MACF1: variants seen among roughly 807,000 people sequenced by gnomAD.
The protein encoded by MACF1 is microtubule actin crosslinking factor 1.
In MACF1, 193 loss-of-function variants were observed where a neutral mutation model predicts 854.8. The ratio of observed to expected loss-of-function variants is 0.23; its 90% CI spans 0.20 to 0.25. The LOEUF (loss-of-function observed/expected upper bound fraction) is 0.25, where lower values mean the gene tolerates loss of function less well. Ranked by LOEUF, MACF1 falls within the 10% of genes least tolerant of loss-of-function variation. The pLI, the probability that MACF1 is intolerant of heterozygous loss-of-function variation, is 1.00. For missense variants in MACF1, 7,722 were observed against 8,929.1 expected, an observed-to-expected ratio of 0.86 and a Z score of 5.45; for synonymous variants, 3,185 against 3,226.7, an observed-to-expected ratio of 0.99 and a Z score of 0.44.
Position 39,084,361 on chromosome 1 carries a change from C to T in MACF1, c.143C>T (p.Pro48Leu). ...GGGGACACCTTGCCCTGGAACCTGC[C>T]ACTGCATGAGCAGAAAAAGCGGAAA... is the stretch of plus-strand genomic sequence containing the variant. Residue 48 changes from proline to leucine, a missense_variant, in exon 2 of 94, where the codon CCA (proline) becomes CTA (leucine). Coordinates refer to the MACF1 transcript ENST00000361689. The surrounding 1 kb of genome is among the most constrained non-coding windows in gnomAD (Gnocchi z 5.2). The T allele has an allele frequency of 6.2e-7, 1 of 1,613,926 alleles. No individual in the cohort carries two copies. Among genetic ancestry groups the T allele is most frequent in the Non-Finnish European group, 8.5e-7 (1 of 1,180,030 alleles).
At chr1:39,461,847 C>T (rs1281814294) in intron 92 of MACF1, 36 bp from the exon 93 acceptor site, 7 of 1,518,542 alleles carry the variant, frequency 4.6e-6, no homozygotes, top group East Asian at 2.3e-5. Flanking sequence ...ACAAGTACCC[C>T]TCTTAATGTT....
intron 57 of MACF1, among the ~76,000 whole-genome samples, chr1:39,386,175 A>G (rs1032373765): frequency 6.6e-6 from 1 of 152,110 alleles, no homozygotes; most frequent in Non-Finnish European, 1.5e-5. Flanking sequence ...AATTTCAGTC[A>G]GCAAGTAGAG....
chr1:39,256,653 G>A (rs920431916), intron 5 of MACF1, among the ~76,000 whole-genome samples: 10 of 152,158 alleles, frequency 6.6e-5, no homozygotes, highest in African/African-American at 1.7e-4. Context: ...AAAGTTCCAC[G>A]TCCCAGGAAA....
At chr1:39,407,468 A>AAAT (rs1642756910) in intron 58 of MACF1, among the ~76,000 whole-genome samples, 1 of 152,218 alleles carries the variant, frequency 6.6e-6, no homozygotes, top group Non-Finnish European at 1.5e-5. Context: ...AAAAATATTA[A>AAAT]AACTAGAAAG....
chr1:39,290,924 C>CCAAA (rs1645768530), intron 15 of MACF1, among the ~76,000 whole-genome samples: 1 of 151,658 alleles, frequency 6.6e-6, no homozygotes, highest in African/African-American at 2.4e-5. Flanking sequence ...ATCCGCCCAC[C>CCAAA]TTGGCCTCCC....
rs1380730850 is a variant in MACF1 at position 39,357,678 on chromosome 1, C to T, written c.11728C>T (p.Pro3910Ser). ...GAACATGCATAAGGGAGGCAGCAGC[C>T]CCGAGACCCTTCCCTCCCTGCTAAA... ...LENMHKGGSS[P>S]ETLPSLLKRQ... The change falls in exon 45 of 101, where the codon CCC (proline) becomes TCC (serine). Residue 3910 changes from proline (P) to serine (S), a missense_variant. Transcript: ENST00000564288. The T allele has an allele frequency of 6.2e-7, 1 of 1,613,918 alleles. No homozygotes were observed. The highest frequency in any genetic ancestry group is 2.2e-5 in the East Asian group (1 of 44,884).
chr1:39,323,263 G>T (rs557579623), intron 33 of MACF1, among the ~76,000 whole-genome samples: 33 of 152,128 alleles, frequency 2.2e-4, no homozygotes, highest in Non-Finnish European at 3.7e-4. Context: ...GATCACTTGG[G>T]CCTGGGAAGT....
rs781662037 is a variant in MACF1, at chr1:39,429,966, G to C, written c.17028G>C (p.Glu5676Asp). The C allele has an allele frequency of 2.5e-6, 4 of 1,613,866 alleles. No homozygotes were observed. The highest frequency in any genetic ancestry group is 3.4e-6 in the Non-Finnish European group (4 of 1,179,952). ...QLATKFQSTY[E>D]ELTGWLREVE... ...CCACCAAGTTCCAGTCTACTTATGA[G>C]GAACTGACCGGGTGGCTGAGGGAGG... Residue 5676 changes from glutamate (E) to aspartate (D), a missense_variant, in exon 65 of 101, where the codon GAG (glutamate) becomes GAC (aspartate). Physicochemically the swap from Glu to Asp is conservative, Grantham distance 45. Around this residue, in one of 15 missense-constraint regions of MACF1, gnomAD observed 2,807 missense variants for 3,235.8 expected, o/e 0.87. Transcript: ENST00000564288.
chr1:39,286,591 G>C (rs545056657), intron 14 of MACF1, among the ~76,000 whole-genome samples: 1 of 150,458 alleles, frequency 6.6e-6, no homozygotes, highest in African/African-American at 2.4e-5. Flanking sequence ...CTCAGCCTCC[G>C]GAGTAGCTGG....
chr1:39,397,964 A>G (rs530108895), intron 58 of MACF1, among the ~76,000 whole-genome samples: 33 of 152,256 alleles, frequency 2.2e-4, no homozygotes, highest in South Asian at 6.2e-4. Context: ...TTAAAATCCT[A>G]TTTTGCAGAT....
chr1:39,101,215 G>A (rs1468146912), intron 2 of MACF1, among the ~76,000 whole-genome samples: 1 of 151,568 alleles, frequency 6.6e-6, no homozygotes, highest in Non-Finnish European at 1.5e-5. Context: ...AAATTAGCTG[G>A]GCATGGTGGC....
intron 2 of MACF1, among the ~76,000 whole-genome samples, chr1:39,102,193 A>AAGAG (rs61576279): frequency 0.27 from 39,445 of 147,954 alleles, 5,749 homozygotes; most frequent in East Asian, 0.55. Context: ...AAGAAAAAGA[A>AAGAG]AGAGAGAGAG....
In MACF1 at chr1:39,084,283, G is replaced by A; in HGVS notation, c.65G>A (p.Ser22Asn). Reference sequence around the variant, plus strand: ...TGTCGGAGTGAGCGGTCTTGTCGGAGTGAGCGATCTTACAGGAGCGAGCGG... The same window carrying A: ...TGTCGGAGTGAGCGGTCTTGTCGGAATGAGCGATCTTACAGGAGCGAGCGG... Residue 22 changes from serine to asparagine, a missense_variant, in exon 2 of 94, where the codon AGT becomes AAT. Transcript: ENST00000361689. The surrounding 1 kb of genome is among the most constrained non-coding windows in gnomAD (Gnocchi z 5.2). 1 of 1,614,008 alleles carries A rather than the reference G, an allele frequency of 6.2e-7. No homozygotes were observed. Among genetic ancestry groups the A allele is most frequent in the Non-Finnish European group, 8.5e-7 (1 of 1,179,998 alleles).
Position 39,300,284 on chromosome 1 carries a change from G to A in MACF1, c.2556G>A (p.Gln852=). The A allele has an allele frequency of 1.2e-6, 2 of 1,613,966 alleles. No homozygotes were observed. Among genetic ancestry groups the A allele is most frequent in the Non-Finnish European group, 1.7e-6 (2 of 1,180,008 alleles). Residue 852 remains glutamine, a synonymous_variant, in exon 22 of 101, where the codon CAG becomes CAA. Transcript: ENST00000564288. ...TTGGGAGATCAAAAACCATCGTTCA[G>A]CTAAAACCACGCAGTCCAGACCATG... ...SLVGRSKTIV[Q]LKPRSPDHVL...
At chr1:39,275,455 A>AGGG (rs1373432847) in intron 6 of MACF1, among the ~76,000 whole-genome samples, 33 of 152,248 alleles carry the variant, frequency 2.2e-4, no homozygotes, top group African/African-American at 7.9e-4. Flanking sequence ...GTACCATCAT[A>AGGG]GCGCACAGTA....
intron 2 of MACF1, among the ~76,000 whole-genome samples, chr1:39,193,667 G>C (rs1644283345): frequency 6.6e-6 from 1 of 152,020 alleles, no homozygotes; most frequent in African/African-American, 2.4e-5. Flanking sequence ...TTTGACATGA[G>C]ATAACTATGG....
At position 39,251,850 on chromosome 1, in the gene MACF1, C is replaced by T; in HGVS notation, c.266C>T (p.Pro89Leu). ...TGCCTTGGTTGGTGGCCAAAGGAGC[C>T]AGCAGGGCTGAAGACCCTCCGTCTG... ...LEVLSGIKLE[P>L]AGLKTLRLVS... Residue 89 changes from proline to leucine, a missense_variant, in exon 4 of 101, where the codon CCA becomes CTA. Coordinates refer to ENST00000564288, the MANE Select transcript of MACF1 (RefSeq NM_001394062.1). 1.4e-6 allele frequency: 2 copies of T among 1,442,602 alleles called. No homozygotes were observed. The allele number at this position is 1,442,602 out of a possible 1,614,324, so 89.4% of individuals were successfully genotyped here. A position where few individuals can be genotyped will look rare whatever the true frequency, so the allele number is the denominator to read the frequency against.
intron 58 of MACF1, chr1:39,410,996 GT>G: frequency 6.2e-7 from 1 of 1,614,018 alleles, no homozygotes; most frequent in Admixed American, 1.7e-5. Flanking sequence ...GCAACAAGTG[GT>G]AACACAGATG....
At chr1:39,200,478 C>T (rs1644375771), upstream of MACF1, among the ~76,000 whole-genome samples, 1 of 152,110 alleles carries the variant, frequency 6.6e-6, no homozygotes, top group Admixed American at 6.6e-5. Flanking sequence ...GCAGGTGGAT[C>T]ACCTGAGATC....
Sources: allele counts gnomAD v4.1 joint callset (sites outside exome capture counted in the v4.1 genomes callset), GRCh38; gene constraint gnomAD v4.1.1; regional missense constraint gnomAD v4.1.1; non-coding constraint Gnocchi (gnomAD v3.1); transcripts MANE v1.5; gene names NCBI Gene and HGNC (gene_info 2026-07-23, HGNC 2026-07-21).